KLB: variants seen among roughly 807,000 people sequenced by gnomAD.
KLB encodes the protein beta-klotho.
Under a neutral mutation model 88.4 loss-of-function variants are expected in KLB, and 44 were observed. The ratio of observed to expected loss-of-function variants is 0.50; its 90% CI spans 0.39 to 0.64. The LOEUF is 0.64. KLB is among the 30% of genes least tolerant of loss of function. The pLI, the probability that KLB is intolerant of heterozygous loss-of-function variation, is 0.00. For synonymous variants in KLB, 548 were observed against 513.4 expected (o/e 1.07, Z -0.91); for missense variants, 1,137 against 1,304.8 (o/e 0.87, Z 1.98).
At chr4:39,447,534 A>G in intron 4 of KLB, 59 bp downstream of exon 4, 1 of 1,389,668 alleles carries the variant, frequency 7.2e-7, no homozygotes. Flanking sequence ...CCTGACAAGA[A>G]CAAAGAATGG....
At chr4:39,448,218 C>A in intron 4 of KLB, 83 bp from the exon 5 acceptor site, 1 of 1,062,814 alleles carries the variant, frequency 9.4e-7, no homozygotes, top group Non-Finnish European at 1.3e-6. Flanking sequence ...ATAATTTTAG[C>A]TTGTTTCAAT....
At chr4:39,440,664 TCTC>T (rs2109840838) in intron 3 of KLB, among the ~76,000 whole-genome samples, 1 of 152,154 alleles carries the variant, frequency 6.6e-6, no homozygotes, top group African/African-American at 2.4e-5. Context: ...TTCGTGCAAT[TCTC>T]CTGTCTCAGC....
intron 3 of KLB, among the ~76,000 whole-genome samples, chr4:39,439,916 C>T (rs1244921026): frequency 3.9e-5 from 6 of 152,148 alleles, no homozygotes; most frequent in Admixed American, 3.3e-4. Flanking sequence ...TATCCACCCA[C>T]CCCGGCCTCC....
intron 1 of KLB, among the ~76,000 whole-genome samples, chr4:39,427,190 A>C (rs894751561): frequency 1.4e-4 from 21 of 152,106 alleles, no homozygotes; most frequent in African/African-American, 4.6e-4. Flanking sequence ...CAAATTAAAA[A>C]ATCAGCTTGA....
At chr4:39,423,670 C>T (rs955479078) in intron 1 of KLB, among the ~76,000 whole-genome samples, 1 of 151,690 alleles carries the variant, frequency 6.6e-6, no homozygotes, top group Non-Finnish European at 1.5e-5. Context: ...ACTAGCTGAT[C>T]CATAATAGGC....
In KLB at chr4:39,436,343, G is replaced by A. The variant is rs1416250827; in HGVS notation, c.1337-1384G>A. Among the ~76,000 whole-genome samples, 9 of 152,262 alleles carry A rather than the reference G, an allele frequency of 5.9e-5. No homozygotes were observed. In the South Asian group the frequency reaches 6.2e-4, roughly 11 times the overall value. On this transcript the variant is annotated intron_variant, in intron 2 of 4. Transcript: ENST00000257408. ...AAGGAACAGCATGGAACCGAGCCAC[G>A]CCCAGCTACGGGCCATGCACATAGG...
rs1743889262 is a variant in KLB, at chr4:39,451,171, AT to A, written c.*2491del. 6.6e-6 allele frequency: 1 copy of A among 152,182 alleles called. No homozygotes were observed. The highest frequency in any genetic ancestry group is 2.1e-4 in the South Asian group (1 of 4,826). The allele number at this position is 152,182 out of a possible 1,614,324, so 9.4% of individuals were successfully genotyped here. A position where few individuals can be genotyped will look rare whatever the true frequency, so the allele number is the denominator to read the frequency against. On this transcript the variant is annotated 3_prime_UTR_variant, in exon 5 of 5. Coordinates refer to ENST00000257408, the MANE Select transcript of KLB (RefSeq NM_175737.4). ...CGCACAAGAATCCAAAAACCCTTAAATTTTTTAACCACTGGCAAATATGTAC... is the reference window on the plus strand; with the variant it reads ...CGCACAAGAATCCAAAAACCCTTAAATTTTTAACCACTGGCAAATATGTAC...
chr4:39,409,157 C>T (rs991693055), intron 1 of KLB, among the ~76,000 whole-genome samples: 1 of 151,848 alleles, frequency 6.6e-6, no homozygotes, highest in Non-Finnish European at 1.5e-5. Context: ...GTATATAGAA[C>T]ATATTAATGT....
At chr4:39,418,944 T>TAA (rs35661811) in intron 1 of KLB, among the ~76,000 whole-genome samples, 132 of 116,892 alleles carry the variant, frequency 1.1e-3, no homozygotes, top group Middle Eastern at 4.2e-3. Flanking sequence ...ATGCCATCTC[T>TAA]AAAAAAAAAA....
At chr4:39,439,549 TCTGCCTCCCCAGTTCAAACGATTCTC>T (rs1743551054) in intron 3 of KLB, among the ~76,000 whole-genome samples, 1 of 152,048 alleles carries the variant, frequency 6.6e-6, no homozygotes, top group Non-Finnish European at 1.5e-5. Flanking sequence ...CATTGTAACC[TCTGCCTCCCCAGTTCAAACGATTCTC>T]CTGCCTCCCT....
intron 1 of KLB, among the ~76,000 whole-genome samples, chr4:39,422,929 G>C (rs1388404073): frequency 6.6e-6 from 1 of 151,624 alleles, no homozygotes; most frequent in Non-Finnish European, 1.5e-5. Flanking sequence ...ACAATGCCTG[G>C]CTAATTTTTG....
intron 3 of KLB, among the ~76,000 whole-genome samples, chr4:39,443,162 T>A (rs1284017177): frequency 6.6e-6 from 1 of 152,120 alleles, no homozygotes; most frequent in Non-Finnish European, 1.5e-5. Flanking sequence ...AGGTAAATGA[T>A]GTCAATTTGT....
chr4:39,441,226 G>A (rs1470220583), intron 3 of KLB, among the ~76,000 whole-genome samples: 1 of 152,164 alleles, frequency 6.6e-6, no homozygotes, highest in African/African-American at 2.4e-5. Context: ...ATAGAGAGCA[G>A]AATAAACAGT....
In KLB at chr4:39,448,592, T is replaced by C; in HGVS notation, c.3041T>C (p.Ile1014Thr). 2 of 1,614,184 alleles carry C rather than the reference T, an allele frequency of 1.2e-6. No homozygotes were observed. Among genetic ancestry groups the C allele is most frequent in the South Asian group, 1.1e-5 (1 of 91,078 alleles). ...FFSTLVLLLS[I>T]AIFQRQKRRK... The stretch of plus-strand genomic sequence containing the variant: ...TCCACCCTGGTTCTACTCTTATCAA[T>C]TGCCATTTTTCAAAGGCAGAAGAGA... Residue 1014 changes from isoleucine (I) to threonine (T), a missense_variant, in exon 5 of 5, where the codon ATT (isoleucine) becomes ACT (threonine). Around this residue, in one of 4 missense-constraint regions of KLB, gnomAD observed 426 missense variants for 404.6 expected, o/e 1.05. Coordinates refer to ENST00000257408, the MANE Select transcript of KLB (RefSeq NM_175737.4).
chr4:39,447,178 G>T lies in KLB; in HGVS notation c.2452G>T (p.Val818Phe). 1 of 1,613,912 alleles carries T rather than the reference G, an allele frequency of 6.2e-7. No individual in the cohort carries two copies. Among genetic ancestry groups the T allele is most frequent in the South Asian group, 1.1e-5 (1 of 91,090 alleles). ...EAERRLLKGT[V>F]DFCALNHFTT... The stretch of plus-strand genomic sequence containing the variant: ...CGAAAGGAGGCTGCTCAAGGGCACG[G>T]TCGACTTCTGCGCGCTCAACCACTT... The change falls in exon 4 of 5, where the codon GTC (valine) becomes TTC (phenylalanine). Residue 818 changes from valine to phenylalanine, a missense_variant. By Grantham distance (50) the Val-to-Phe change is conservative. Coordinates refer to ENST00000257408, the MANE Select transcript of KLB (RefSeq NM_175737.4).
intron 3 of KLB, among the ~76,000 whole-genome samples, chr4:39,442,199 G>A (rs113826185): frequency 0.064 from 9,617 of 151,208 alleles, 341 homozygotes; most frequent in African/African-American, 0.081. Context: ...CTGTGATCGT[G>A]CCACAGCACT....
rs1241343491 is a variant in KLB at position 39,447,218 on chromosome 4, T to C, written c.2492T>C (p.Val831Ala). ...CALNHFTTRF[V>A]MHEQLAGSRY... ...CTCAACCACTTCACCACTAGGTTCG[T>C]GATGCACGAGCAGCTGGCCGGCAGC... The change falls in exon 4 of 5, where the codon GTG (valine) becomes GCG (alanine). Residue 831 changes from valine to alanine, a missense_variant. By Grantham distance (64) the Val-to-Ala change is moderately conservative (BLOSUM62 0). Around this residue, in one of 4 missense-constraint regions of KLB, gnomAD observed 426 missense variants for 404.6 expected, o/e 1.05. Coordinates refer to ENST00000257408, the MANE Select transcript of KLB (RefSeq NM_175737.4). The C allele has an allele frequency of 1.2e-6, 2 of 1,614,012 alleles. No homozygotes were observed. Among genetic ancestry groups the C allele is most frequent in the Admixed American group, 1.7e-5 (1 of 60,028 alleles).
In KLB at chr4:39,431,227, C is replaced by T. The variant is rs566904887; in HGVS notation, c.826-2983C>T. On this transcript the variant is annotated intron_variant, in intron 1 of 4. Transcript: ENST00000257408. Reference sequence around the variant, plus strand: ...TTACAGATGTGAGCCACCCACCCAACCACCAACCAAGAGGAAAGCATTCCT... The same window carrying T: ...TTACAGATGTGAGCCACCCACCCAATCACCAACCAAGAGGAAAGCATTCCT... Among the ~76,000 whole-genome samples, 4 of 151,594 alleles carry T rather than the reference C, an allele frequency of 2.6e-5. No individual in the cohort carries two copies. In the South Asian group the frequency reaches 8.3e-4, roughly 32 times the overall value.
rs151040548 is a variant in KLB at position 39,448,522 on chromosome 4, C to G, written c.2971C>G (p.Leu991Val). Residue 991 changes from leucine to valine, a missense_variant, in exon 5 of 5, where the codon CTT becomes GTT. By Grantham distance (32) the Leu-to-Val change is conservative. This residue lies in a region of KLB where 426 missense variants were observed against 404.6 expected (regional missense o/e 1.05). Transcript: ENST00000257408. ...ENTECTVCLF[L>V]VQKKPLIFLG... ...TACAGAGTGCACTGTCTGCTTATTC[C>G]TTGTGCAGAAGAAACCACTGATATT... 2 of 1,614,064 alleles carry G rather than the reference C, an allele frequency of 1.2e-6. No individual in the cohort carries two copies. The highest frequency in any genetic ancestry group is 2.7e-5 in the African/African-American group (2 of 74,942).
Sources: allele counts gnomAD v4.1 joint callset (sites outside exome capture counted in the v4.1 genomes callset), GRCh38; gene constraint gnomAD v4.1.1; regional missense constraint gnomAD v4.1.1; transcripts MANE v1.5; gene names NCBI Gene and HGNC (gene_info 2026-07-23, HGNC 2026-07-21).